Variants in ATPSCKMT observed in about 807,000 individuals in gnomAD.
ATPSCKMT encodes the protein ATP synthase c subunit lysine N-methyltransferase, also known as ATP synthase subunit C lysine N-methyltransferase.
ATPSCKMT carries 24 observed loss-of-function variants against 24.3 expected under a neutral mutation model. The observed-to-expected ratio is 0.99, with a 90% confidence interval of 0.71 to 1.39. The LOEUF is 1.39. Among genes scored for constraint, ATPSCKMT ranks in the 40% most tolerant of loss-of-function variants. ATPSCKMT has a pLI of 0.00. For synonymous variants in ATPSCKMT, 95 were observed against 110.5 expected (o/e 0.86, Z 0.88); for missense variants, 311 against 298.4 (o/e 1.04, Z -0.31).
At chr5:10,232,394 TAGA>T (rs1195382688) in intron 4 of ATPSCKMT, among the ~76,000 whole-genome samples, 2 of 152,198 alleles carry the variant, frequency 1.3e-5, no homozygotes, top group Non-Finnish European at 2.9e-5. Context: ...CTGGGCCAGC[TAGA>T]AGAAGAAAGG....
rs1435957040 is a variant in ATPSCKMT, at chr5:10,236,459, C to A, written c.444+19G>T. 1 of 1,610,370 alleles carries A rather than the reference C, an allele frequency of 6.2e-7. No individual in the cohort carries two copies. The highest frequency in any genetic ancestry group is 1.1e-5 in the South Asian group (1 of 90,330). On this transcript the variant is annotated intron_variant, in intron 3 of 4. Coordinates refer to ENST00000511437, the MANE Select transcript of ATPSCKMT (RefSeq NM_199133.4). ...ATTTTCCCTTGGATTTCTCTAGGGC[C>A]ATTCTCTGCCTTACATACCTTCCAC...
rs2252505 is a variant in ATPSCKMT, at chr5:10,239,166, C to T, written c.207G>A (p.Pro69=). ...VTPALRKVCL[P]FVPATTKQIE... ...TCTGCTTCGTAGTTGCAGGTACAAA[C>T]GGCAAACAGACTTTTCGAAGGGCTG... is the stretch of plus-strand genomic sequence containing the variant. The change falls in exon 2 of 5, where the codon CCG becomes CCA. Residue 69 remains proline (P), a synonymous_variant. Coordinates refer to ENST00000511437, the MANE Select transcript of ATPSCKMT (RefSeq NM_199133.4). 0.63 allele frequency: 1,009,647 copies of T among 1,613,840 alleles called. 322,121 individuals carry two copies. Among genetic ancestry groups the T allele is most frequent in the East Asian group, 0.89 (39,886 of 44,856 alleles).
At chr5:10,235,174 C>T in intron 4 of ATPSCKMT, 37 bp downstream of exon 4, 2 of 1,609,624 alleles carry the variant, frequency 1.2e-6, no homozygotes, top group South Asian at 2.2e-5. Context: ...TCAACATCAT[C>T]TAACCCCAAA....
intron 4 of ATPSCKMT, among the ~76,000 whole-genome samples, chr5:10,231,916 A>G (rs1744155409): frequency 6.6e-6 from 1 of 152,252 alleles, no homozygotes; most frequent in Non-Finnish European, 1.5e-5. Flanking sequence ...TCATCAGTTC[A>G]TAAAAGCCAA....
intron 1 of ATPSCKMT, among the ~76,000 whole-genome samples, chr5:10,242,592 C>T (rs10043456): frequency 0.011 from 1,747 of 152,284 alleles, 25 homozygotes; most frequent in African/African-American, 0.04. Context: ...GATACTCTGA[C>T]CTCCTACCAT....
At position 10,239,182 on chromosome 5, in the gene ATPSCKMT, C is replaced by T. The variant is rs1437374941; in HGVS notation, c.191G>A (p.Arg64Gln). 8.7e-6 allele frequency: 14 copies of T among 1,614,180 alleles called. No homozygotes were observed. Among genetic ancestry groups the T allele is most frequent in the East Asian group, 2.2e-5 (1 of 44,894 alleles). ...AGGTACAAACGGCAAACAGACTTTTCGAAGGGCTGGCGTTACAAACGGCGT... is the reference window on the plus strand; with the variant it reads ...AGGTACAAACGGCAAACAGACTTTTTGAAGGGCTGGCGTTACAAACGGCGT... Reference protein sequence around the residue: ...VATPFVTPALRKVCLPFVPAT... With the variant: ...VATPFVTPALQKVCLPFVPAT... The change falls in exon 2 of 5, where the codon CGA (arginine) becomes CAA (glutamine). Residue 64 changes from arginine (R) to glutamine (Q), a missense_variant. Coordinates refer to ENST00000511437, the MANE Select transcript of ATPSCKMT (RefSeq NM_199133.4).
chr5:10,248,481 TTCA>T (rs1745061447), intron 1 of ATPSCKMT: 1 of 152,356 alleles, frequency 6.6e-6, no homozygotes, highest in African/African-American at 2.4e-5. Flanking sequence ...TGAAGAACAC[TTCA>T]AGGTCTAGCG....
chr5:10,233,436 T>C (rs1744244266), intron 4 of ATPSCKMT, among the ~76,000 whole-genome samples: 1 of 152,214 alleles, frequency 6.6e-6, no homozygotes, highest in Admixed American at 6.5e-5. Context: ...GTGGACACTT[T>C]GTATCCTTCA....
At chr5:10,248,081 C>T (rs1424880013) in intron 1 of ATPSCKMT, among the ~76,000 whole-genome samples, 3 of 152,190 alleles carry the variant, frequency 2.0e-5, no homozygotes, top group African/African-American at 2.4e-5. Context: ...TAACTAGCCA[C>T]GTGTTTAAAG....
chr5:10,249,797 C>T lies in ATPSCKMT; in HGVS notation c.16+61G>A, dbSNP rs867598745. 1.9e-4 allele frequency: 284 copies of T among 1,533,542 alleles called. 1 individual carries two copies. Among genetic ancestry groups the T allele is most frequent in the Middle Eastern group, 7.4e-4 (3 of 4,038 alleles). The allele number at this position is 1,533,542 out of a possible 1,614,324, so 95.0% of individuals were successfully genotyped here. A position where few individuals can be genotyped will look rare whatever the true frequency, so the allele number is the denominator to read the frequency against. On this transcript the variant is annotated intron_variant, in intron 1 of 4. Coordinates refer to ENST00000511437, the MANE Select transcript of ATPSCKMT (RefSeq NM_199133.4). ...TGGAGACCTCAGCTGACCGCGAGCC[C>T]CCGGCCCGCCCGCACCCCTTCTCAT... is the stretch of plus-strand genomic sequence containing the variant.
chr5:10,246,692 G>A (rs974280139), intron 1 of ATPSCKMT, among the ~76,000 whole-genome samples: 1 of 152,188 alleles, frequency 6.6e-6, no homozygotes, highest in Non-Finnish European at 1.5e-5. Flanking sequence ...CAAGTCAGAT[G>A]ACCCAAATTT....
chr5:10,229,316 A>G (rs1744021667), intron 4 of ATPSCKMT, among the ~76,000 whole-genome samples: 1 of 152,128 alleles, frequency 6.6e-6, no homozygotes, highest in Non-Finnish European at 1.5e-5. Context: ...AACATTCTTC[A>G]GTTATCGGAC....
intron 4 of ATPSCKMT, 150 bp from the exon 5 acceptor site, chr5:10,227,797 C>G (rs943476351): frequency 3.0e-6 from 2 of 668,976 alleles, no homozygotes; most frequent in Non-Finnish European, 5.2e-6. Flanking sequence ...CATAAACAAA[C>G]AATCCATTGA....
chr5:10,238,396 T>C (rs190271535), intron 2 of ATPSCKMT, among the ~76,000 whole-genome samples: 13 of 152,318 alleles, frequency 8.5e-5, no homozygotes, highest in Admixed American at 8.5e-4. Flanking sequence ...TGAAAGGTGA[T>C]AGAGTCCTGC....
rs2126437349 is a variant in ATPSCKMT, at chr5:10,235,236, A to G, written c.470T>C (p.Val157Ala). 6.2e-7 allele frequency: 1 copy of G among 1,613,724 alleles called. No individual in the cohort carries two copies. The change falls in exon 4 of 5, where the codon GTT (valine) becomes GCT (alanine). Residue 157 changes from valine to alanine, a missense_variant. Val to Ala is a moderately conservative substitution (Grantham distance 64). Transcript: ENST00000511437. ...WKVTFSQYSN[V>A]VIFGVPQMML... ...CATCTGAGGCACACCGAAAATAACA[A>G]CGTTCGAGTACTGCGAAAAAGTAAC... is the stretch of plus-strand genomic sequence containing the variant.
rs1744364239 is a variant in ATPSCKMT, at chr5:10,236,231, G to A, written c.444+247C>T. 3 of 354,128 alleles carry A rather than the reference G, an allele frequency of 8.5e-6. 1 individual carries two copies. The highest frequency in any genetic ancestry group is 1.5e-5 in the Non-Finnish European group (3 of 200,898). The allele number at this position is 354,128 out of a possible 1,614,324, so 21.9% of individuals were successfully genotyped here. A position where few individuals can be genotyped will look rare whatever the true frequency, so the allele number is the denominator to read the frequency against. On this transcript the variant is annotated intron_variant, in intron 3 of 4. Coordinates refer to ENST00000511437, the MANE Select transcript of ATPSCKMT (RefSeq NM_199133.4). ...TCATTATTTTGTAAGAAACAGAAAT[G>A]ACAACATTTTAATTTAGTAAATAAA...
At chr5:10,248,048 GAGA>G (rs1401228868) in intron 1 of ATPSCKMT, among the ~76,000 whole-genome samples, 1 of 152,238 alleles carries the variant, frequency 6.6e-6, no homozygotes, top group Admixed American at 6.5e-5. Flanking sequence ...GCCAAGAAGA[GAGA>G]AGGAGCCTGT....
chr5:10,232,996 G>C (rs545605093), intron 4 of ATPSCKMT, among the ~76,000 whole-genome samples: 1 of 152,340 alleles, frequency 6.6e-6, no homozygotes, highest in Admixed American at 6.5e-5. Flanking sequence ...TTTTTAGATA[G>C]ATACATACTT....
At chr5:10,238,967 G>T (rs1744498177) in intron 2 of ATPSCKMT, 100 bp downstream of exon 2, 2 of 1,391,852 alleles carry the variant, frequency 1.4e-6, no homozygotes, top group African/African-American at 1.4e-5. Flanking sequence ...ACTCTTTCAA[G>T]CTGTCAGATT....
Sources: allele counts gnomAD v4.1 joint callset (sites outside exome capture counted in the v4.1 genomes callset), GRCh38; gene constraint gnomAD v4.1.1; transcripts MANE v1.5; gene names NCBI Gene and HGNC (gene_info 2026-07-23, HGNC 2026-07-21).